Variants in CD86 observed in about 807,000 individuals in gnomAD.
The protein encoded by CD86 is T-lymphocyte activation antigen CD86.
A neutral mutation model predicts 32.1 loss-of-function variants in CD86; 11 were observed. The observed-to-expected ratio is 0.34, with a 90% CI of 0.22 to 0.57. The LOEUF (loss-of-function observed/expected upper bound fraction) is 0.57, where lower values mean the gene tolerates loss of function less well. Among genes scored for constraint, CD86 ranks in the 20% least tolerant of loss-of-function variants. The pLI, the probability that CD86 is intolerant of heterozygous loss-of-function variation, is 0.86. For missense variants in CD86, 359 were observed against 398.4 expected, an observed-to-expected ratio of 0.90 and a Z score of 0.84; for synonymous variants, 137 against 135.3, an observed-to-expected ratio of 1.01 and a Z score of -0.09.
intron 5 of CD86, among the ~76,000 whole-genome samples, chr3:122,110,274 T>A (rs978132033): frequency 2.0e-5 from 3 of 152,216 alleles, no homozygotes; most frequent in Non-Finnish European, 4.4e-5. Context: ...GTTTTGTTAT[T>A]ATAAACACCC....
At chr3:122,087,149 C>T (rs1050535296) in intron 1 of CD86, among the ~76,000 whole-genome samples, 7 of 152,178 alleles carry the variant, frequency 4.6e-5, no homozygotes, top group East Asian at 3.9e-4. Context: ...AAGTGGATTA[C>T]GGCAGGTGCT....
intron 5 of CD86, among the ~76,000 whole-genome samples, chr3:122,117,400 A>C: frequency 6.6e-6 from 1 of 152,230 alleles, no homozygotes; most frequent in East Asian, 1.9e-4. Flanking sequence ...GGTATTGTTG[A>C]GTGGATTCTT....
intron 1 of CD86, among the ~76,000 whole-genome samples, chr3:122,074,549 A>T (rs542314442): frequency 6.6e-6 from 1 of 152,180 alleles, no homozygotes; most frequent in African/African-American, 2.4e-5. Context: ...AGACTTGACC[A>T]CTGGCCGCAG....
chr3:122,101,513 A>AAAATATATATAT (rs1202377219), intron 2 of CD86, among the ~76,000 whole-genome samples: 26 of 46,320 alleles, frequency 5.6e-4, no homozygotes, highest in African/African-American at 1.9e-3. Flanking sequence ...AAAAAAAAAA[A>AAAATATATATAT]ATATATATAT....
intron 5 of CD86, among the ~76,000 whole-genome samples, chr3:122,109,721 T>C (rs2073145054): frequency 6.6e-6 from 1 of 152,180 alleles, no homozygotes; most frequent in African/African-American, 2.4e-5. Flanking sequence ...ATACATAAAG[T>C]AAAATGGTGA....
intron 1 of CD86, among the ~76,000 whole-genome samples, chr3:122,060,605 T>C (rs988911997): frequency 6.6e-6 from 1 of 151,726 alleles, no homozygotes; most frequent in Non-Finnish European, 1.5e-5. Flanking sequence ...CTGAGCAACA[T>C]AGCGAGACTC....
intron 1 of CD86, among the ~76,000 whole-genome samples, chr3:122,072,572 G>C (rs1314414246): frequency 6.6e-6 from 1 of 152,054 alleles, no homozygotes; most frequent in Non-Finnish European, 1.5e-5. Flanking sequence ...CTTTTTGATG[G>C]GGTTGTTTGT....
At chr3:122,081,858 T>C (rs2072639086) in intron 1 of CD86, among the ~76,000 whole-genome samples, 1 of 152,150 alleles carries the variant, frequency 6.6e-6, no homozygotes, top group Non-Finnish European at 1.5e-5. Flanking sequence ...TTCCAAGCTG[T>C]AGGAGTGCTT....
chr3:122,112,027 A>G (rs1407520659), intron 5 of CD86, among the ~76,000 whole-genome samples: 1 of 152,166 alleles, frequency 6.6e-6, no homozygotes, highest in Non-Finnish European at 1.5e-5. Flanking sequence ...TGTTTTGTCA[A>G]ATAGGGCAGA....
intron 1 of CD86, among the ~76,000 whole-genome samples, chr3:122,072,655 A>G (rs1210557346): frequency 1.6e-4 from 24 of 152,114 alleles, no homozygotes; most frequent in Non-Finnish European, 2.2e-4. Context: ...AGTAGGTTGC[A>G]AAAATTTTTT....
intron 2 of CD86, among the ~76,000 whole-genome samples, chr3:122,102,026 G>C (rs1249040676): frequency 6.6e-6 from 1 of 152,082 alleles, no homozygotes; most frequent in Non-Finnish European, 1.5e-5. Context: ...ACTGATGCCT[G>C]CTGTCTGCTT....
intron 1 of CD86, among the ~76,000 whole-genome samples, chr3:122,061,154 G>A (rs557219566): frequency 5.9e-5 from 9 of 152,198 alleles, no homozygotes; most frequent in African/African-American, 1.4e-4. Context: ...GTCAATACAC[G>A]CCAGAAAATG....
intron 5 of CD86, among the ~76,000 whole-genome samples, chr3:122,110,419 T>A (rs1191984496): frequency 6.6e-6 from 1 of 152,202 alleles, no homozygotes; most frequent in Non-Finnish European, 1.5e-5. Context: ...TTGCCTCCAG[T>A]AGTAATTAGT....
chr3:122,086,709 T>C (rs2072727334), intron 1 of CD86: 1 of 432,368 alleles, frequency 2.3e-6, no homozygotes, highest in Admixed American at 2.4e-5. Flanking sequence ...AGAAACCCTC[T>C]TGATGCAAAG....
At chr3:122,107,429 C>T (rs2073109503) in intron 4 of CD86, among the ~76,000 whole-genome samples, 1 of 152,158 alleles carries the variant, frequency 6.6e-6, no homozygotes, top group Admixed American at 6.5e-5. Context: ...TCTTCAGGGA[C>T]AAGTTCAGTG....
chr3:122,056,601 G>A (rs1459139157), intron 1 of CD86, among the ~76,000 whole-genome samples: 3 of 152,008 alleles, frequency 2.0e-5, no homozygotes, highest in Non-Finnish European at 2.9e-5. Flanking sequence ...CAAAGTGCTG[G>A]GATTACAGGC....
chr3:122,077,846 T>C (rs1459726571), intron 1 of CD86: 29 of 985,356 alleles, frequency 2.9e-5, no homozygotes, highest in Non-Finnish European at 3.1e-5. Context: ...CTCTAGTCAG[T>C]TCCCCTTTCT....
chr3:122,075,250 T>A (rs2072540813), intron 1 of CD86, among the ~76,000 whole-genome samples: 1 of 152,060 alleles, frequency 6.6e-6, no homozygotes. Context: ...GGGAGAAGGG[T>A]GCTGGTGGCA....
intron 2 of CD86, among the ~76,000 whole-genome samples, chr3:122,102,192 A>G (rs957120532): frequency 6.6e-6 from 1 of 152,018 alleles, no homozygotes; most frequent in Non-Finnish European, 1.5e-5. Context: ...TCCCCCACTT[A>G]GAACTCTTCA....
Sources: gnomAD v4.1 joint callset for allele counts (sites outside exome capture counted in the v4.1 genomes callset) on GRCh38, gnomAD v4.1.1 for gene constraint, MANE v1.5 for transcripts, NCBI Gene and HGNC (gene_info 2026-07-23, HGNC 2026-07-21) for gene names.